Variants in DCAF12 observed in about 807,000 individuals in gnomAD.
DCAF12 encodes DDB1 and CUL4 associated factor 12.
In DCAF12, 28 loss-of-function variants were observed where a neutral mutation model predicts 52.8. The observed-to-expected ratio is 0.53, with a 90% CI of 0.39 to 0.73. The LOEUF is 0.73. DCAF12 is among the 30% of genes least tolerant of loss of function. The pLI, the probability that DCAF12 is intolerant of heterozygous loss-of-function variation, is 0.00. For missense variants in DCAF12, 425 were observed against 552.2 expected, an observed-to-expected ratio of 0.77 and a Z score of 2.31; for synonymous variants, 196 against 215.5, an observed-to-expected ratio of 0.91 and a Z score of 0.79.
intron 5 of DCAF12, among the ~76,000 whole-genome samples, 196 bp from the exon 6 acceptor site, chr9:34,096,977 C>A (rs1214602962): frequency 6.6e-6 from 1 of 152,102 alleles, no homozygotes; most frequent in African/African-American, 2.4e-5. Context: ...AGGCTGCCAG[C>A]AATAACACAG....
Position 34,098,426 on chromosome 9 carries a change from C to A in DCAF12, c.693G>T (p.Val231=). 2 of 1,614,222 alleles carry A rather than the reference C, an allele frequency of 1.2e-6. No individual in the cohort carries two copies. The highest frequency in any genetic ancestry group is 1.7e-6 in the Non-Finnish European group (2 of 1,180,044). Residue 231 remains valine (V), a synonymous_variant, in exon 5 of 9, where the codon GTG becomes GTT. Coordinates refer to ENST00000361264, the MANE Select transcript of DCAF12 (RefSeq NM_015397.4). ...AGGCCTTGTGAGTGATGTGTGCATA[C>A]ACAGGGACCCGTGACACATTGTGTC... is the stretch of plus-strand genomic sequence containing the variant. ...DARHNVSRVP[V]YAHITHKALK... is the part of the protein sequence containing the mutation.
intron 2 of DCAF12, among the ~76,000 whole-genome samples, chr9:34,112,087 G>C (rs1260618422): frequency 6.6e-6 from 1 of 151,022 alleles, no homozygotes; most frequent in Non-Finnish European, 1.5e-5. Context: ...AGGTTGCAGT[G>C]AGCCAAGATC....
intron 2 of DCAF12, among the ~76,000 whole-genome samples, chr9:34,113,968 C>T (rs914238479): frequency 9.2e-5 from 14 of 151,924 alleles, no homozygotes; most frequent in African/African-American, 3.1e-4. Flanking sequence ...ATTAGCCGGG[C>T]GTGGTGGTGG....
At chr9:34,098,256 A>G in intron 5 of DCAF12, 68 bp downstream of exon 5, 2 of 1,513,882 alleles carry the variant, frequency 1.3e-6, no homozygotes, top group South Asian at 1.2e-5. Flanking sequence ...GGGGAAGGAA[A>G]AAGGAGTGCA....
chr9:34,111,272 C>A (rs1828999052), intron 2 of DCAF12, among the ~76,000 whole-genome samples: 1 of 152,144 alleles, frequency 6.6e-6, no homozygotes, highest in Non-Finnish European at 1.5e-5. Flanking sequence ...GTGTGAGCCA[C>A]CGCACCCAGC....
intron 2 of DCAF12, among the ~76,000 whole-genome samples, chr9:34,117,442 G>T (rs1187935661): frequency 6.6e-6 from 1 of 151,692 alleles, no homozygotes; most frequent in Non-Finnish European, 1.5e-5. Flanking sequence ...GAGCCACCGC[G>T]CCCGGCCTCT....
chr9:34,123,841 A>G (rs1829209389), intron 2 of DCAF12, among the ~76,000 whole-genome samples: 1 of 151,144 alleles, frequency 6.6e-6, no homozygotes, highest in South Asian at 2.1e-4. Flanking sequence ...CTTAACCACG[A>G]GTGGGCAGCT....
rs1330313943 is a variant in DCAF12 at position 34,095,498 on chromosome 9, A to G, written c.861+1218T>C. On this transcript the variant is annotated intron_variant, in intron 6 of 8. Coordinates refer to ENST00000361264, the MANE Select transcript of DCAF12 (RefSeq NM_015397.4). ...TCAGCTCAAGTGGTCCTCCTGCCTCAGCACTGCTACCCTCCAGTAGCTGGG... is the reference window on the plus strand; with the variant it reads ...TCAGCTCAAGTGGTCCTCCTGCCTCGGCACTGCTACCCTCCAGTAGCTGGG... 2.0e-5 allele frequency among the ~76,000 whole-genome samples: 3 copies of G among 148,010 alleles called. No homozygotes were observed. The South Asian group carries it at 6.3e-4, about 31-fold the overall frequency.
At chr9:34,096,848 C>A in intron 5 of DCAF12, 67 bp from the exon 6 acceptor site, 1 of 1,472,386 alleles carries the variant, frequency 6.8e-7, no homozygotes, top group Non-Finnish European at 9.4e-7. Context: ...AATAAGCAGG[C>A]GAGGATTCTA....
intron 4 of DCAF12, among the ~76,000 whole-genome samples, 170 bp from the exon 5 acceptor site, chr9:34,098,687 C>T (rs1251999569): frequency 2.6e-5 from 4 of 152,220 alleles, no homozygotes; most frequent in Admixed American, 2.0e-4. Context: ...ATTTTAATAG[C>T]TACACTAAGA....
intron 2 of DCAF12, among the ~76,000 whole-genome samples, chr9:34,114,039 C>T (rs1829047792): frequency 6.6e-6 from 1 of 151,338 alleles, no homozygotes; most frequent in Non-Finnish European, 1.5e-5. Flanking sequence ...ACCTGGGAGG[C>T]GGAGCTTGCA....
rs1228968828 is a variant in DCAF12, at chr9:34,125,173, G to A, written c.183C>T (p.Thr61=). ...AACCATGCAACACTCGAGAGTAGCT[G>A]GTTTCATTCTGTAGCCTGACTTCCC... ...KNREVRLQNE[T]SYSRVLHGYA... is the part of the protein sequence containing the mutation. The change falls in exon 2 of 9, where the codon ACC becomes ACT. Residue 61 remains threonine (T), a synonymous_variant. Transcript: ENST00000361264. 6.2e-7 allele frequency: 1 copy of A among 1,614,110 alleles called. No individual in the cohort carries two copies. Among genetic ancestry groups the A allele is most frequent in the East Asian group, 2.2e-5 (1 of 44,886 alleles).
chr9:34,095,099 A>T (rs1049934997), intron 6 of DCAF12, among the ~76,000 whole-genome samples: 2 of 150,924 alleles, frequency 1.3e-5, no homozygotes, highest in African/African-American at 4.9e-5. Context: ...TTTTTGAGAG[A>T]GAGTCTTGCT....
In DCAF12 at chr9:34,126,488, G is replaced by GCGGGGCGGGGGAAGCGAAGGATAC; in HGVS notation, c.-58_-57insGTATCCTTCGCTTCCCCCGCCCCG. 6.4e-7 allele frequency: 1 copy of GCGGGGCGGGGGAAGCGAAGGATAC among 1,568,060 alleles called. No homozygotes were observed. The stretch of plus-strand genomic sequence containing the variant: ...CATGGGGCGGGGGAAGCGAAGGATA[G>GCGGGGCGGGGGAAGCGAAGGATAC]CAGGACGGCGGGTCATATACTGGGC... On this transcript the variant is annotated 5_prime_UTR_variant, in exon 1 of 9. Coordinates refer to ENST00000361264, the MANE Select transcript of DCAF12 (RefSeq NM_015397.4).
At chr9:34,125,318 T>C (rs570989571) in intron 1 of DCAF12, 41 bp from the exon 2 acceptor site, 24 of 1,606,522 alleles carry the variant, frequency 1.5e-5, no homozygotes, top group Non-Finnish European at 1.9e-5. Flanking sequence ...TGGCTACTCT[T>C]CTTCAGAACA....
At chr9:34,122,617 C>T (rs1300341589) in intron 2 of DCAF12, among the ~76,000 whole-genome samples, 1 of 151,902 alleles carries the variant, frequency 6.6e-6, no homozygotes, top group African/African-American at 2.4e-5. Context: ...GCTGGGATTA[C>T]AGGCACCCAC....
chr9:34,105,184 C>T (rs1316184946), intron 4 of DCAF12, among the ~76,000 whole-genome samples: 6 of 151,192 alleles, frequency 4.0e-5, no homozygotes, highest in East Asian at 1.9e-4. Flanking sequence ...ACCTGGGAAG[C>T]GGAGGTTGTG....
intron 8 of DCAF12, 35 bp downstream of exon 8, chr9:34,089,377 T>C (rs763966458): frequency 2.6e-5 from 41 of 1,561,662 alleles, no homozygotes; most frequent in Admixed American, 5.7e-5. Context: ...TTTCTGTTAC[T>C]GTGTAGCAGT....
intron 6 of DCAF12, among the ~76,000 whole-genome samples, 159 bp downstream of exon 6, chr9:34,096,557 T>C (rs1002004887): frequency 4.6e-5 from 7 of 152,080 alleles, no homozygotes; most frequent in African/African-American, 7.2e-5. Flanking sequence ...TGAGCCAAGA[T>C]TGCACCACTG....
Sources: gnomAD v4.1 joint callset for allele counts (sites outside exome capture counted in the v4.1 genomes callset) on GRCh38, gnomAD v4.1.1 for gene constraint, MANE v1.5 for transcripts, NCBI Gene and HGNC (gene_info 2026-07-23, HGNC 2026-07-21) for gene names.